The following TRIM37 variants were observed in gnomAD, a reference collection of about 807,000 sequenced individuals.
The protein encoded by TRIM37 is tripartite motif containing 37, also known as E3 ubiquitin-protein ligase TRIM37.
Under a neutral mutation model 129.8 loss-of-function variants are expected in TRIM37, and 80 were observed. The observed-to-expected ratio is 0.62, with a 90% CI of 0.51 to 0.74. TRIM37 has a LOEUF of 0.74. Ranked by LOEUF, TRIM37 falls within the 30% of genes least tolerant of loss-of-function variation. The pLI, the probability that TRIM37 is intolerant of heterozygous loss-of-function variation, is 0.00. For missense variants in TRIM37, 1,054 were observed against 1,176.5 expected (o/e 0.90, Z 1.52); for synonymous variants, 389 against 387.1 (o/e 1.00, Z -0.06).
chr17:59,012,540 C>T (rs756960452), intron 21 of TRIM37, 94 bp from the exon 22 acceptor site: 26 of 854,520 alleles, frequency 3.0e-5, no homozygotes, highest in East Asian at 1.5e-4. Context: ...AAGTAGGGTA[C>T]GTGCTCTGGT....
intron 2 of TRIM37, among the ~76,000 whole-genome samples, chr17:59,103,837 A>T (rs1025749025): frequency 4.7e-5 from 7 of 150,322 alleles, no homozygotes; most frequent in Non-Finnish European, 7.4e-5. Flanking sequence ...TAGTAGAGAC[A>T]GGGTTTCACC....
chr17:58,974,273 A>G, the TRIM37 span, among the ~76,000 whole-genome samples: 2 of 152,334 alleles, frequency 1.3e-5, no homozygotes, highest in East Asian at 3.9e-4. Flanking sequence ...GAATTTTAAA[A>G]TGACATAAAT....
intron 24 of TRIM37, among the ~76,000 whole-genome samples, chr17:58,986,546 T>C (rs2031837519): frequency 6.8e-6 from 1 of 146,830 alleles, no homozygotes; most frequent in South Asian, 2.2e-4. Flanking sequence ...AGAGTCCTGC[T>C]GTGTCACCCT....
intron 3 of TRIM37, 58 bp downstream of exon 3, chr17:59,091,242 G>T: frequency 7.3e-7 from 1 of 1,370,800 alleles, no homozygotes; most frequent in African/African-American, 1.4e-5. Flanking sequence ...TGAATCCCAA[G>T]GCACATTCTG....
intron 16 of TRIM37, among the ~76,000 whole-genome samples, chr17:59,047,464 CTT>C (rs2039937504): frequency 6.6e-6 from 1 of 152,062 alleles, no homozygotes; most frequent in African/African-American, 2.4e-5. Flanking sequence ...AAATTCTGAA[CTT>C]TTCTTAAGTA....
At chr17:59,104,206 A>G in intron 2 of TRIM37, 87 bp downstream of exon 2, 1 of 1,355,104 alleles carries the variant, frequency 7.4e-7, no homozygotes, top group Non-Finnish European at 1.0e-6. Context: ...AGGGCAAAAA[A>G]TGTAAAATAA....
chr17:59,057,831 C>G, intron 12 of TRIM37, among the ~76,000 whole-genome samples: 1 of 152,030 alleles, frequency 6.6e-6, no homozygotes, highest in East Asian at 1.9e-4. Context: ...GCCAAAACAG[C>G]AGTATTTTGA....
intron 9 of TRIM37, among the ~76,000 whole-genome samples, chr17:59,067,492 A>C (rs968427391): frequency 6.6e-6 from 1 of 152,226 alleles, no homozygotes; most frequent in African/African-American, 2.4e-5. Flanking sequence ...AAGGGAAAAA[A>C]GGGAGAACCA....
chr17:59,003,627 C>G (rs966012491), intron 22 of TRIM37, among the ~76,000 whole-genome samples: 8 of 137,688 alleles, frequency 5.8e-5, no homozygotes, highest in African/African-American at 2.2e-4. Context: ...CAGATTAAAA[C>G]AAGACCCAGA....
chr17:59,012,470 AT>A (rs2035413373), intron 21 of TRIM37, 24 bp from the exon 22 acceptor site: 2 of 1,441,138 alleles, frequency 1.4e-6, no homozygotes, highest in African/African-American at 2.8e-5. Flanking sequence ...ACAACTTGAT[AT>A]TTCTCTATAA....
At chr17:59,053,113 C>T (rs530111240) in intron 13 of TRIM37, among the ~76,000 whole-genome samples, 24 of 152,164 alleles carry the variant, frequency 1.6e-4, no homozygotes, top group African/African-American at 5.8e-4. Context: ...AAAGTAAGAC[C>T]GTCTAAACAC....
chr17:58,995,417 AAAG>A (rs1222042905), downstream of TRIM37, among the ~76,000 whole-genome samples: 10 of 152,088 alleles, frequency 6.6e-5, no homozygotes, highest in African/African-American at 1.4e-4. Context: ...AAAAAAAAAA[AAAG>A]AAGAATGAGA....
At position 58,998,910 on chromosome 17, in the gene TRIM37, T is replaced by C. The variant is rs1226490380; in HGVS notation, c.*467A>G. 1.9e-5 allele frequency: 19 copies of C among 1,017,356 alleles called. No individual in the cohort carries two copies. The highest frequency in any genetic ancestry group is 2.1e-5 in the Non-Finnish European group (18 of 848,734). 63.0% of individuals were successfully genotyped at this position (1,017,356 alleles called of 1,614,324 possible). ...CAGAATCTCTTCCAAAGCAATTTTCTGTTCACTAATCTACAGGCACTAATG... is the reference window on the plus strand; with the variant it reads ...CAGAATCTCTTCCAAAGCAATTTTCCGTTCACTAATCTACAGGCACTAATG... On this transcript the variant is annotated 3_prime_UTR_variant, in exon 24 of 24. Transcript: ENST00000262294.
At position 59,031,962 on chromosome 17, in the gene TRIM37, G is replaced by C. The variant is rs377473747; in HGVS notation, c.1882C>G (p.Arg628Gly). 3 of 1,614,100 alleles carry C rather than the reference G, an allele frequency of 1.9e-6. No homozygotes were observed. The highest frequency in any genetic ancestry group is 2.5e-6 in the Non-Finnish European group (3 of 1,180,008). ...ILIHLLDLKDRSSIENLWGLQ... is the reference protein window; with the variant it reads ...ILIHLLDLKDGSSIENLWGLQ... ...CCCCACAAATTTTCTATACTGCTCCGGTCCTTAAGGTCCAACAAATGTATT... is the reference window on the plus strand; with the variant it reads ...CCCCACAAATTTTCTATACTGCTCCCGTCCTTAAGGTCCAACAAATGTATT... The change falls in exon 18 of 24, where the codon CGG (arginine) becomes GGG (glycine). Residue 628 changes from arginine to glycine, a missense_variant. By Grantham distance (125) the Arg-to-Gly change is moderately radical. Coordinates refer to ENST00000262294, the MANE Select transcript of TRIM37 (RefSeq NM_015294.6).
the TRIM37 span, among the ~76,000 whole-genome samples, chr17:58,977,158 A>G: frequency 6.6e-6 from 1 of 152,120 alleles, no homozygotes; most frequent in African/African-American, 2.4e-5. Context: ...GAAATAATGA[A>G]TGAGGGCTGG....
At chr17:59,025,884 G>A (rs748108892) in intron 19 of TRIM37, among the ~76,000 whole-genome samples, 4 of 152,114 alleles carry the variant, frequency 2.6e-5, no homozygotes, top group Middle Eastern at 3.2e-3. Flanking sequence ...AGGTGAGGCC[G>A]AATATCTTTT....
rs566934174 is a variant in TRIM37, at chr17:59,091,415, T to A, written c.124-75A>T. ...ATATATATTACTTAATATTTTATAT[T>A]TATATATAATATATATAATATTCTT... On this transcript the variant is annotated intron_variant, in intron 2 of 23. Transcript: ENST00000262294. 2.5e-4 allele frequency: 88 copies of A among 352,654 alleles called. No individual in the cohort carries two copies. The East Asian group carries it at 7.1e-3, about 28-fold the overall frequency. The allele number at this position is 352,654 out of a possible 1,614,324, so 21.8% of individuals were successfully genotyped here.
At chr17:59,024,151 T>G (rs1043653817) in intron 19 of TRIM37, among the ~76,000 whole-genome samples, 4 of 143,040 alleles carry the variant, frequency 2.8e-5, no homozygotes, top group African/African-American at 1.1e-4. Context: ...GAGGGGGAGG[T>G]TGCAGTGAGC....
the TRIM37 span, among the ~76,000 whole-genome samples, chr17:58,974,177 G>A: frequency 6.6e-6 from 1 of 152,008 alleles, no homozygotes; most frequent in African/African-American, 2.4e-5. Context: ...TGCATTTTGG[G>A]TCAAATCAGT....
Sources: gnomAD v4.1 joint callset for allele counts (sites outside exome capture counted in the v4.1 genomes callset) on GRCh38, gnomAD v4.1.1 for gene constraint, MANE v1.5 for transcripts, NCBI Gene and HGNC (gene_info 2026-07-23, HGNC 2026-07-21) for gene names.